PLCB1: variants seen among roughly 807,000 people sequenced by gnomAD.
The protein encoded by PLCB1 is phospholipase C beta 1, also known as 1-phosphatidylinositol 4,5-bisphosphate phosphodiesterase beta-1.
PLCB1 carries 46 observed loss-of-function variants against 161.8 expected under a neutral mutation model. The observed-to-expected ratio is 0.28, with a 90% CI of 0.22 to 0.36. The LOEUF is 0.36. Among genes scored for constraint, PLCB1 ranks in the 10% least tolerant of loss-of-function variants. PLCB1 has a pLI of 1.00. For missense variants in PLCB1, 1,016 were observed against 1,472.5 expected, an observed-to-expected ratio of 0.69 and a Z score of 5.07; for synonymous variants, 517 against 503.7, an observed-to-expected ratio of 1.03 and a Z score of -0.35.
chr20:8,136,530 G>A (rs1035158648), intron 1 of PLCB1, among the ~76,000 whole-genome samples: 10 of 151,822 alleles, frequency 6.6e-5, no homozygotes, highest in African/African-American at 2.4e-4. Flanking sequence ...GGAGGCTGAG[G>A]CAGGAGAATG....
At chr20:8,684,908 C>A in intron 9 of PLCB1, 24 bp from the exon 10 acceptor site, 1 of 1,593,924 alleles carries the variant, frequency 6.3e-7, no homozygotes, top group Non-Finnish European at 8.6e-7. Flanking sequence ...GCATTCACAT[C>A]CTTTCTAACT....
At chr20:8,696,932 A>G (rs1009966399) in intron 10 of PLCB1, among the ~76,000 whole-genome samples, 3 of 152,028 alleles carry the variant, frequency 2.0e-5, no homozygotes, top group African/African-American at 7.2e-5. Flanking sequence ...ATGGGGTTTC[A>G]CCATGTTAGC....
intron 2 of PLCB1, among the ~76,000 whole-genome samples, chr20:8,235,450 TCATACTGATAAGG>T (rs1342737895): frequency 1.4e-4 from 21 of 152,082 alleles, no homozygotes; most frequent in Non-Finnish European, 3.1e-4. Flanking sequence ...AGCCACATGA[TCATACTGATAAGG>T]CAACAAAAAG....
intron 2 of PLCB1, among the ~76,000 whole-genome samples, chr20:8,294,846 T>C (rs1244941643): frequency 6.6e-6 from 1 of 151,834 alleles, no homozygotes; most frequent in Admixed American, 6.6e-5. Flanking sequence ...AGAATGATGA[T>C]AGTAATATGT....
intron 11 of PLCB1, among the ~76,000 whole-genome samples, chr20:8,699,237 T>A (rs16995111): frequency 1.5e-4 from 23 of 152,224 alleles, no homozygotes; most frequent in African/African-American, 5.5e-4. Flanking sequence ...AACTCTTATC[T>A]GAAGCAACCA....
intron 2 of PLCB1, among the ~76,000 whole-genome samples, chr20:8,362,318 T>TA (rs1986570277): frequency 6.6e-6 from 1 of 152,220 alleles, no homozygotes; most frequent in African/African-American, 2.4e-5. Flanking sequence ...TGAAGGCAGT[T>TA]ACTAGCATGT....
intron 3 of PLCB1, among the ~76,000 whole-genome samples, chr20:8,553,771 C>T (rs1441664195): frequency 3.9e-5 from 6 of 152,056 alleles, no homozygotes; most frequent in South Asian, 2.1e-4. Flanking sequence ...GAGGCTGAGG[C>T]GGGTGGATCA....
chr20:8,245,889 C>T (rs1004348056), intron 2 of PLCB1, among the ~76,000 whole-genome samples: 4 of 151,776 alleles, frequency 2.6e-5, no homozygotes, highest in East Asian at 1.9e-4. Context: ...TTAACTCTTT[C>T]CAAATGAGGG....
intron 2 of PLCB1, among the ~76,000 whole-genome samples, chr20:8,182,685 A>G (rs1005299480): frequency 5.9e-5 from 9 of 151,498 alleles, no homozygotes; most frequent in African/African-American, 2.2e-4. Context: ...AGTTCAAGCA[A>G]TTCTTGTGCC....
chr20:8,726,343 CTT>C (rs2123485662), intron 16 of PLCB1, among the ~76,000 whole-genome samples: 2 of 152,194 alleles, frequency 1.3e-5, no homozygotes, highest in South Asian at 4.2e-4. Flanking sequence ...AAATGTTTCT[CTT>C]GTGTTTAGCA....
intron 2 of PLCB1, among the ~76,000 whole-genome samples, chr20:8,349,261 A>T (rs1454268230): frequency 6.6e-6 from 1 of 152,162 alleles, no homozygotes; most frequent in Non-Finnish European, 1.5e-5. Context: ...AGGTGACAAG[A>T]AGAGGAAATA....
chr20:8,507,387 A>G (rs1242956889), intron 3 of PLCB1, among the ~76,000 whole-genome samples: 1 of 152,192 alleles, frequency 6.6e-6, no homozygotes, highest in Non-Finnish European at 1.5e-5. Context: ...TTGAACAACA[A>G]ATTGTATGGT....
At chr20:8,795,414 C>T (rs1014049250) in intron 31 of PLCB1, among the ~76,000 whole-genome samples, 6 of 152,112 alleles carry the variant, frequency 3.9e-5, no homozygotes, top group Non-Finnish European at 5.9e-5. Flanking sequence ...TTATAAACAA[C>T]AAGAGACACT....
At chr20:8,498,757 T>G (rs1286373538) in intron 3 of PLCB1, among the ~76,000 whole-genome samples, 1 of 152,172 alleles carries the variant, frequency 6.6e-6, no homozygotes, top group Non-Finnish European at 1.5e-5. Flanking sequence ...AAATTTGGGG[T>G]AGGCCCAGCT....
intron 2 of PLCB1, among the ~76,000 whole-genome samples, chr20:8,245,328 A>C (rs1980829472): frequency 6.6e-6 from 1 of 151,920 alleles, no homozygotes; most frequent in South Asian, 2.1e-4. Flanking sequence ...ACACCCACAC[A>C]TACTAACATT....
chr20:8,535,881 A>T (rs561943760), intron 3 of PLCB1, among the ~76,000 whole-genome samples: 22 of 152,136 alleles, frequency 1.4e-4, no homozygotes, highest in Non-Finnish European at 3.2e-4. Flanking sequence ...TCTCTCACTT[A>T]CGGAAGCCCT....
chr20:8,665,626 TATAGTC>T (rs1989792137), intron 9 of PLCB1, among the ~76,000 whole-genome samples: 1 of 152,208 alleles, frequency 6.6e-6, no homozygotes, highest in African/African-American at 2.4e-5. Context: ...GAATTATAAT[TATAGTC>T]ATAAGTGTAA....
chr20:8,787,486 GAA>G (rs1270869097), intron 27 of PLCB1, among the ~76,000 whole-genome samples: 1 of 152,160 alleles, frequency 6.6e-6, no homozygotes, highest in African/African-American at 2.4e-5. Flanking sequence ...ATGTTTTTGG[GAA>G]AGAGAATCTC....
Position 8,132,614 on chromosome 20 carries a change from G to T in PLCB1, c.-38G>T. 6.7e-7 allele frequency: 1 copy of T among 1,483,244 alleles called. No individual in the cohort carries two copies. The highest frequency in any genetic ancestry group is 9.3e-7 in the Non-Finnish European group (1 of 1,080,802). The allele number at this position is 1,483,244 out of a possible 1,614,324, so 91.9% of individuals were successfully genotyped here. ...CCGCGCACGGTCCCCAGTCCCTGCC[G>T]CGCTCGCCCGGGCCGCCCGGAGCCC... On this transcript the variant is annotated 5_prime_UTR_variant, in exon 1 of 32. Transcript: ENST00000338037. The surrounding 1 kb of genome is among the most constrained non-coding windows in gnomAD (Gnocchi z 5.2).
Sources: gnomAD v4.1 joint callset for allele counts (sites outside exome capture counted in the v4.1 genomes callset) on GRCh38, gnomAD v4.1.1 for gene constraint, Gnocchi (gnomAD v3.1) non-coding constraint, MANE v1.5 for transcripts, NCBI Gene and HGNC (gene_info 2026-07-23, HGNC 2026-07-21) for gene names.